Variants in COPG1 observed in about 807,000 individuals in gnomAD.
COPG1 encodes coatomer subunit gamma-1.
A neutral mutation model predicts 102.8 loss-of-function variants in COPG1; 29 were observed. The observed-to-expected ratio is 0.28, with a 90% CI of 0.21 to 0.38. The LOEUF is 0.38. Among genes scored for constraint, COPG1 ranks in the 10% least tolerant of loss-of-function variants. The pLI, the probability that COPG1 is intolerant of heterozygous loss-of-function variation, is 1.00. For synonymous variants in COPG1, 406 were observed against 421.6 expected (o/e 0.96, Z 0.45); for missense variants, 875 against 1,132.7 (o/e 0.77, Z 3.27).
intron 12 of COPG1, 71 bp from the exon 13 acceptor site, chr3:129,263,833 G>A (rs988747463): frequency 9.2e-6 from 12 of 1,308,454 alleles, no homozygotes; most frequent in Non-Finnish European, 1.2e-5. Context: ...GGACTCAGTG[G>A]GCACTCAGGG....
chr3:129,270,616 G>A (rs1159454469), intron 18 of COPG1, among the ~76,000 whole-genome samples: 1 of 152,158 alleles, frequency 6.6e-6, no homozygotes, highest in African/African-American at 2.4e-5. Flanking sequence ...TTTATTGCCT[G>A]CATATTCATT....
At chr3:129,265,228 A>G (rs1304989933) in intron 13 of COPG1, among the ~76,000 whole-genome samples, 1 of 152,130 alleles carries the variant, frequency 6.6e-6, no homozygotes, top group Non-Finnish European at 1.5e-5. Flanking sequence ...AGCAGCTGGA[A>G]TTATAGGCAT....
At chr3:129,257,441 G>A (rs761360429) in intron 8 of COPG1, 29 bp from the exon 9 acceptor site, 84 of 1,612,874 alleles carry the variant, frequency 5.2e-5, no homozygotes, top group Non-Finnish European at 6.3e-5. Flanking sequence ...TCATACATTT[G>A]TACTCTGTTG....
rs1416895782 is a variant in COPG1 at position 129,254,737 on chromosome 3, C to A, written c.393C>A (p.Ile131=). The change falls in exon 6 of 24, where the codon ATC becomes ATA. Residue 131 remains isoleucine, a synonymous_variant. Transcript: ENST00000314797. ...RGPAVRALCQ[I]TDSTMLQAIE... is the part of the protein sequence containing the mutation. ...CGGCCGTGCGAGCCCTCTGCCAGAT[C>A]ACTGATGTGAGTCGTGCCGGTTCCT... 1.2e-6 allele frequency: 2 copies of A among 1,613,808 alleles called. No homozygotes were observed. The highest frequency in any genetic ancestry group is 1.1e-5 in the South Asian group (1 of 91,074).
chr3:129,277,605 T>TC lies in COPG1; in HGVS notation c.*181_*182insC. 1 of 513,320 alleles carries TC rather than the reference T, an allele frequency of 1.9e-6. No homozygotes were observed. Among genetic ancestry groups the TC allele is most frequent in the African/African-American group, 2.0e-5 (1 of 50,772 alleles). 31.8% of individuals were successfully genotyped at this position (513,320 alleles called of 1,614,324 possible). On this transcript the variant is annotated 3_prime_UTR_variant, in exon 24 of 24. Coordinates refer to ENST00000314797, the MANE Select transcript of COPG1 (RefSeq NM_016128.4). ...CCCGGGACTACTTGCTGGTGACTTT[T>TC]TTTTTTTTTTTTTTTAAATAGGGGA...
At chr3:129,269,060 A>G (rs1487215114) in intron 18 of COPG1, 60 bp downstream of exon 18, 5 of 1,439,110 alleles carry the variant, frequency 3.5e-6, no homozygotes, top group Middle Eastern at 1.8e-4. Flanking sequence ...AGGGGGTTCA[A>G]GAGTAAGAAC....
At position 129,260,824 on chromosome 3, in the gene COPG1, G is replaced by T; in HGVS notation, c.1128+17G>T. On this transcript the variant is annotated intron_variant, in intron 12 of 23. Transcript: ENST00000314797. ...GAATTCAAGGTACCTGCTACCCCCA[G>T]GACACCCACGGCCCCCAGAGGAAGG... 1.2e-6 allele frequency: 2 copies of T among 1,610,092 alleles called. No individual in the cohort carries two copies. The highest frequency in any genetic ancestry group is 4.5e-5 in the East Asian group (2 of 44,850).
At chr3:129,256,482 C>G (rs1481380466) in intron 8 of COPG1, among the ~76,000 whole-genome samples, 1 of 152,236 alleles carries the variant, frequency 6.6e-6, no homozygotes, top group Admixed American at 6.5e-5. Context: ...TAGGCCTTTG[C>G]CAGCCTGGCT....
chr3:129,250,984 C>T (rs894353965), intron 2 of COPG1: 39 of 360,026 alleles, frequency 1.1e-4, no homozygotes, highest in African/African-American at 8.2e-4. Context: ...AGTGCAGTGG[C>T]GTGATCTCGG....
intron 23 of COPG1, among the ~76,000 whole-genome samples, chr3:129,276,823 C>CTTTT (rs34883126): frequency 0.055 from 7,178 of 129,808 alleles, 810 homozygotes; most frequent in African/African-American, 0.2. Flanking sequence ...CAGTGACTTT[C>CTTTT]TTTTTTTTTT....
rs201992320 is a variant in COPG1 at position 129,256,091 on chromosome 3, C to G, written c.516C>G (p.Asp172Glu). 2 of 1,613,728 alleles carry G rather than the reference C, an allele frequency of 1.2e-6. No individual in the cohort carries two copies. Among genetic ancestry groups the G allele is most frequent in the Non-Finnish European group, 1.7e-6 (2 of 1,179,866 alleles). Residue 172 changes from aspartate to glutamate, a missense_variant, in exon 8 of 24, where the codon GAC (aspartate) becomes GAG (glutamate). Transcript: ENST00000314797. ...SSLHLLKCSF[D>E]VVKRWVNEAQ... ...AGCACCTGCTGAAGTGCAGCTTTGA[C>G]GTGGTCAAGCGCTGGGTGAATGAGG...
rs780560577 is a variant in COPG1, at chr3:129,272,185, C to G, written c.1987-59C>G. ...AAGAGGTGGGACCTCCTGGCTTTTCCTCTGCAGCATGGCTCGGACCTAGTG... is the reference window on the plus strand; with the variant it reads ...AAGAGGTGGGACCTCCTGGCTTTTCGTCTGCAGCATGGCTCGGACCTAGTG... On this transcript the variant is annotated intron_variant, in intron 19 of 23. Transcript: ENST00000314797. 10 of 1,504,534 alleles carry G rather than the reference C, an allele frequency of 6.6e-6. No individual in the cohort carries two copies. In the South Asian group the frequency reaches 1.2e-4, roughly 18 times the overall value. 93.2% of individuals were successfully genotyped at this position (1,504,534 alleles called of 1,614,324 possible). A position where few individuals can be genotyped will look rare whatever the true frequency, so the allele number is the denominator to read the frequency against.
Position 129,257,729 on chromosome 3 carries a change from G to A in COPG1, c.740G>A (p.Arg247His), listed in dbSNP as rs143558091. The A allele has an allele frequency of 2.2e-5, 35 of 1,613,774 alleles. No homozygotes were observed. The highest frequency in any genetic ancestry group is 1.7e-4 in the African/African-American group (13 of 74,922). Residue 247 changes from arginine to histidine, a missense_variant and splice_region_variant, in exon 10 of 24, where the codon CGT becomes CAT. Transcript: ENST00000314797. ...SKQLEEEDGS[R>H]DSPLFDFIES... Reference sequence around the variant, plus strand: ...TGCCACCCTATGTTCTTTTGTAGCCGTGACAGCCCACTGTTTGACTTCATC... The same window carrying A: ...TGCCACCCTATGTTCTTTTGTAGCCATGACAGCCCACTGTTTGACTTCATC...
Position 129,275,915 on chromosome 3 carries a change from A to G in COPG1, c.2494+623A>G, listed in dbSNP as rs1940263219. On this transcript the variant is annotated intron_variant, in intron 23 of 23. Transcript: ENST00000314797. This position sits in a 1 kb window ranked among gnomAD's most constrained non-coding sequence, Gnocchi z 5.0. ...TCTATGGAACAGCCACTACTGATGA[A>G]CATTTAGTTTGATTTCAATCTCTTG... Among the ~76,000 whole-genome samples the G allele has an allele frequency of 6.6e-6, 1 of 152,182 alleles. No homozygotes were observed. Among genetic ancestry groups the G allele is most frequent in the South Asian group, 2.1e-4 (1 of 4,828 alleles).
chr3:129,252,289 A>C lies in COPG1; in HGVS notation c.99A>C (p.Val33=). ...EKSAVLQEAR[V]FNETPINPRK... Reference sequence around the variant, plus strand: ...TGGTCATTTCTTCTTAGGCCCGTGTATTTAATGAAACTCCCATCAACCCTC... The same window carrying C: ...TGGTCATTTCTTCTTAGGCCCGTGTCTTTAATGAAACTCCCATCAACCCTC... The change falls in exon 3 of 24, where the codon GTA becomes GTC. Residue 33 remains valine, a synonymous_variant. Coordinates refer to ENST00000314797, the MANE Select transcript of COPG1 (RefSeq NM_016128.4). 1 of 1,608,402 alleles carries C rather than the reference A, an allele frequency of 6.2e-7. No individual in the cohort carries two copies. The highest frequency in any genetic ancestry group is 8.5e-7 in the Non-Finnish European group (1 of 1,174,876).
rs1380379321 is a variant in COPG1, at chr3:129,274,916, G to T, written c.2335G>T (p.Val779Leu). Residue 779 changes from valine to leucine, a missense_variant, in exon 22 of 24, where the codon GTA becomes TTA. Transcript: ENST00000314797. ...KLNFEAAWDE[V>L]GDEFEKEETF... ...GAACTTCGAAGCAGCCTGGGATGAG[G>T]TAGGGGATGAATTTGAGAAGGAGGA... The T allele has an allele frequency of 1.2e-6, 2 of 1,614,220 alleles. No individual in the cohort carries two copies. The highest frequency in any genetic ancestry group is 2.7e-5 in the African/African-American group (2 of 75,060).
rs35073725 is a variant in COPG1, at chr3:129,277,601, CTTTTTTT to C, written c.*190_*196del. On this transcript the variant is annotated 3_prime_UTR_variant, in exon 24 of 24. Coordinates refer to ENST00000314797, the MANE Select transcript of COPG1 (RefSeq NM_016128.4). ...CCCACCCGGGACTACTTGCTGGTGA[CTTTTTTT>C]TTTTTTTTTTTTAAATAGGGGATGA... 6.6e-6 allele frequency: 2 copies of C among 302,680 alleles called. No individual in the cohort carries two copies. The highest frequency in any genetic ancestry group is 2.4e-5 in the African/African-American group (1 of 41,208). The allele number at this position is 302,680 out of a possible 1,614,324, so 18.7% of individuals were successfully genotyped here.
intron 1 of COPG1, among the ~76,000 whole-genome samples, chr3:129,250,364 C>T (rs551198970): frequency 2.6e-4 from 39 of 152,272 alleles, no homozygotes; most frequent in Non-Finnish European, 4.6e-4. Context: ...CTAGTTACAA[C>T]GAGATGGTGG....
intron 5 of COPG1, 35 bp from the exon 6 acceptor site, chr3:129,254,633 C>T (rs373449238): frequency 1.9e-5 from 30 of 1,564,520 alleles, no homozygotes; most frequent in African/African-American, 2.7e-5. Flanking sequence ...CAGGCCCAGG[C>T]TCTCTGCATG....
Sources: allele counts gnomAD v4.1 joint callset (sites outside exome capture counted in the v4.1 genomes callset), GRCh38; gene constraint gnomAD v4.1.1; non-coding constraint Gnocchi (gnomAD v3.1); transcripts MANE v1.5; gene names NCBI Gene and HGNC (gene_info 2026-07-23, HGNC 2026-07-21).